Variants in WNK2 observed in about 807,000 individuals in gnomAD.
The protein encoded by WNK2 is serine/threonine-protein kinase WNK2.
Under a neutral mutation model 192.1 loss-of-function variants are expected in WNK2, and 67 were observed. The ratio of observed to expected loss-of-function variants is 0.35; its 90% CI spans 0.29 to 0.43. WNK2 has a LOEUF of 0.43. Ranked by LOEUF, WNK2 falls within the 20% of genes least tolerant of loss-of-function variation. WNK2 has a pLI of 1.00. For missense variants in WNK2, 2,698 were observed against 3,089.7 expected (o/e 0.87, Z 3.01); for synonymous variants, 1,439 against 1,393.9 (o/e 1.03, Z -0.72).
At chr9:93,319,991 T>A (rs1297511209) in intron 29 of WNK2, among the ~76,000 whole-genome samples, 1 of 152,180 alleles carries the variant, frequency 6.6e-6, no homozygotes, top group Non-Finnish European at 1.5e-5. Flanking sequence ...TGGGGCCACC[T>A]CCTCAGAGAG....
rs1204473047 is a variant in WNK2 at position 93,297,978 on chromosome 9, G to A, written c.5834G>A (p.Arg1945His). The change falls in exon 24 of 30, where the codon CGC becomes CAC. Residue 1945 changes from arginine (R) to histidine (H), a missense_variant. Physicochemically the swap from Arg to His is conservative, Grantham distance 29. Coordinates refer to ENST00000427277, the MANE Select transcript of WNK2 (RefSeq NM_006648.4). ...TTCCACACGGCACCCCCCACTGGCC[G>A]CCGGAGAAAAACCAGCAAGAGCAAG... ...GFFHTAPPTG[R>H]RRKTSKSKLK... 2.2e-5 allele frequency: 35 copies of A among 1,567,268 alleles called. No individual in the cohort carries two copies. Among genetic ancestry groups the A allele is most frequent in the East Asian group, 1.7e-4 (7 of 41,946 alleles).
intron 28 of WNK2, among the ~76,000 whole-genome samples, chr9:93,313,381 G>T (rs1199888839): frequency 1.4e-5 from 2 of 141,494 alleles, no homozygotes; most frequent in African/African-American, 2.6e-5. Flanking sequence ...TTTTTTAACC[G>T]TATCTCCTGT....
chr9:93,311,448 A>T (rs1053150756), intron 28 of WNK2, among the ~76,000 whole-genome samples: 1 of 152,148 alleles, frequency 6.6e-6, no homozygotes, highest in Non-Finnish European at 1.5e-5. Flanking sequence ...TTGGGTATAA[A>T]CCCAGAAGTG....
chr9:93,286,127 C>CA (rs1453421393), intron 19 of WNK2, among the ~76,000 whole-genome samples: 1 of 152,032 alleles, frequency 6.6e-6, no homozygotes, highest in Admixed American at 6.6e-5. Flanking sequence ...TAAAGTTCAA[C>CA]AAAATATGCA....
intron 19 of WNK2, among the ~76,000 whole-genome samples, chr9:93,285,360 T>C (rs1848300116): frequency 6.6e-6 from 1 of 152,180 alleles, no homozygotes; most frequent in Non-Finnish European, 1.5e-5. Flanking sequence ...TACATAGAGA[T>C]TTAAATTTAC....
At chr9:93,255,044 G>T (rs1843090026) in intron 9 of WNK2, among the ~76,000 whole-genome samples, 1 of 152,174 alleles carries the variant, frequency 6.6e-6, no homozygotes, top group Non-Finnish European at 1.5e-5. Context: ...CAGCATCAGT[G>T]TGGAAACCAG....
intron 27 of WNK2, chr9:93,307,994 T>C: frequency 3.0e-6 from 1 of 331,770 alleles, no homozygotes; most frequent in African/African-American, 2.1e-5. Context: ...GTGCCAGGAG[T>C]TTCCTGAGCT....
Position 93,289,859 on chromosome 9 carries a change from CAG to C in WNK2, c.4867-118_4867-117del, listed in dbSNP as rs10579716. 12,284 of 1,064,426 alleles carry C rather than the reference CAG, an allele frequency of 0.012. 881 individuals carry two copies. In the Admixed American group the frequency reaches 0.18, roughly 15 times the overall value. 65.9% of individuals were successfully genotyped at this position (1,064,426 alleles called of 1,614,324 possible). A position where few individuals can be genotyped will look rare whatever the true frequency, so the allele number is the denominator to read the frequency against. ...TGACTCAGCCCCATCCATGCACACA[CAG>C]GGGCTGGGGCAGCCCAGGGGCAGCT... On this transcript the variant is annotated intron_variant, in intron 20 of 29. Coordinates refer to ENST00000427277, the MANE Select transcript of WNK2 (RefSeq NM_006648.4).
chr9:93,246,848 A>G (rs1380622170), intron 7 of WNK2, among the ~76,000 whole-genome samples: 1 of 152,208 alleles, frequency 6.6e-6, no homozygotes, highest in Admixed American at 6.5e-5. Context: ...CCATGTTTTC[A>G]TGTGTTTGTG....
At chr9:93,193,807 G>A (rs923543183) in intron 2 of WNK2, among the ~76,000 whole-genome samples, 2 of 152,130 alleles carry the variant, frequency 1.3e-5, no homozygotes, top group Admixed American at 1.3e-4. Flanking sequence ...ACTTGATTAC[G>A]ACTTCTTATT....
chr9:93,306,536 C>T (rs1852578604), intron 26 of WNK2: 1 of 531,026 alleles, frequency 1.9e-6, no homozygotes, highest in East Asian at 3.1e-5. Flanking sequence ...AAACACTTCT[C>T]CCTGAAGCTT....
At chr9:93,215,811 T>C (rs1392578852) in intron 2 of WNK2, among the ~76,000 whole-genome samples, 1 of 152,226 alleles carries the variant, frequency 6.6e-6, no homozygotes, top group Non-Finnish European at 1.5e-5. Flanking sequence ...TGGGAATTTG[T>C]TGTTATCGTC....
At chr9:93,234,660 C>A in intron 4 of WNK2, 148 bp from the exon 5 acceptor site, 1 of 924,414 alleles carries the variant, frequency 1.1e-6, no homozygotes, top group Non-Finnish European at 1.6e-6. Context: ...AGGGGCAGGG[C>A]TGGCCCTGGG....
In WNK2 at chr9:93,281,353, C is replaced by A. The variant is rs548535280; in HGVS notation, c.4034-7435C>A. Among the ~76,000 whole-genome samples, 3 of 134,190 alleles carry A rather than the reference C, an allele frequency of 2.2e-5. No individual in the cohort carries two copies. The South Asian group carries it at 8.6e-4, about 38-fold the overall frequency. The allele number at this position is 134,190 out of a possible 152,430, so 88.0% of individuals were successfully genotyped here. A position where few individuals can be genotyped will look rare whatever the true frequency, so the allele number is the denominator to read the frequency against. ...CAAATGACTAGATTGAAATTTTTGT[C>A]AAAGAATTAGAAACTATGCCAAAAA... On this transcript the variant is annotated intron_variant, in intron 19 of 29. Coordinates refer to ENST00000427277, the MANE Select transcript of WNK2 (RefSeq NM_006648.4).
At chr9:93,192,614 G>A (rs897221331) in intron 2 of WNK2, among the ~76,000 whole-genome samples, 46 of 152,164 alleles carry the variant, frequency 3.0e-4, no homozygotes, top group Admixed American at 3.0e-3. Flanking sequence ...TCATTACCCT[G>A]CCCAGAGGGG....
intron 19 of WNK2, among the ~76,000 whole-genome samples, chr9:93,282,589 G>T (rs958021561): frequency 1.3e-5 from 2 of 152,150 alleles, no homozygotes; most frequent in East Asian, 3.9e-4. Flanking sequence ...TATCAATGTA[G>T]ATTTTAAGGC....
At position 93,239,708 on chromosome 9, in the gene WNK2, T is replaced by G. The variant is rs1288374464; in HGVS notation, c.1323-49T>G. The G allele has an allele frequency of 4.0e-6, 6 of 1,503,334 alleles. No individual in the cohort carries two copies. Among genetic ancestry groups the G allele is most frequent in the Non-Finnish European group, 5.4e-6 (6 of 1,110,300 alleles). 93.1% of individuals were successfully genotyped at this position (1,503,334 alleles called of 1,614,324 possible). A position where few individuals can be genotyped will look rare whatever the true frequency, so the allele number is the denominator to read the frequency against. On this transcript the variant is annotated intron_variant, in intron 6 of 29. Coordinates refer to ENST00000427277, the MANE Select transcript of WNK2 (RefSeq NM_006648.4). The surrounding 1 kb of genome is among the most constrained non-coding windows in gnomAD (Gnocchi z 4.2). ...GCGCATGGACACAGGAGCCTGGGCA[T>G]GGAGGCCCTGGCGCCCGTGCCCCTG...
chr9:93,227,248 G>A (rs891215153), intron 2 of WNK2, among the ~76,000 whole-genome samples: 1 of 151,972 alleles, frequency 6.6e-6, no homozygotes, highest in Non-Finnish European at 1.5e-5. Flanking sequence ...CGAGTAGCTG[G>A]GACTACAGGC....
At chr9:93,320,314 A>T in intron 29 of WNK2, 53 bp from the exon 30 acceptor site, 4 of 1,366,804 alleles carry the variant, frequency 2.9e-6, no homozygotes, top group Non-Finnish European at 3.9e-6. Context: ...GCCCTTGGCG[A>T]GTGGCCAGCA....
Sources: allele counts gnomAD v4.1 joint callset (sites outside exome capture counted in the v4.1 genomes callset), GRCh38; gene constraint gnomAD v4.1.1; non-coding constraint Gnocchi (gnomAD v3.1); transcripts MANE v1.5; gene names NCBI Gene and HGNC (gene_info 2026-07-23, HGNC 2026-07-21).